Variants in GSK3B observed in about 807,000 individuals in gnomAD.
GSK3B encodes the protein glycogen synthase kinase 3 beta.
A neutral mutation model predicts 56.4 loss-of-function variants in GSK3B; 15 were observed. That is an observed-to-expected ratio of 0.27 (90% CI 0.18 to 0.41). The LOEUF (loss-of-function observed/expected upper bound fraction) is 0.41, where lower values mean the gene tolerates loss of function less well. Ranked by LOEUF, GSK3B falls within the 10% of genes least tolerant of loss-of-function variation. The pLI, the probability that GSK3B is intolerant of heterozygous loss-of-function variation, is 1.00. For synonymous variants in GSK3B, 181 were observed against 188.9 expected, an observed-to-expected ratio of 0.96 and a Z score of 0.34; for missense variants, 300 against 513.4, an observed-to-expected ratio of 0.58 and a Z score of 4.02.
At chr3:120,078,681 T>G (rs1371159277) in intron 1 of GSK3B, among the ~76,000 whole-genome samples, 1 of 151,792 alleles carries the variant, frequency 6.6e-6, no homozygotes, top group African/African-American at 2.4e-5. Context: ...GCCTCCCGTG[T>G]AGCTGGGATT....
intron 1 of GSK3B, chr3:120,029,325 G>C (rs1364070894): frequency 4.0e-6 from 3 of 742,558 alleles, no homozygotes; most frequent in East Asian, 2.5e-5. Flanking sequence ...CAGATATTTC[G>C]CATCTAATCC....
intron 1 of GSK3B, among the ~76,000 whole-genome samples, chr3:120,090,930 C>G (rs1007368812): frequency 6.6e-6 from 1 of 152,122 alleles, no homozygotes; most frequent in African/African-American, 2.4e-5. Flanking sequence ...ATTATTGTCT[C>G]TCATGCAAAA....
intron 3 of GSK3B, among the ~76,000 whole-genome samples, chr3:119,937,826 GT>G (rs1287843428): frequency 6.6e-6 from 1 of 151,590 alleles, no homozygotes; most frequent in East Asian, 1.9e-4. Context: ...AAAACTAAAA[GT>G]TTTTTTTCTT....
In GSK3B at chr3:119,826,538, G is replaced by A. The variant is rs541401765; in HGVS notation, c.*250C>T. ...GAGAGATTGTATGTTCTAGTGCTCC[G>A]CTTTCCCCCTCCCCACAACCCCTCC... On this transcript the variant is annotated 3_prime_UTR_variant, in exon 11 of 11. Coordinates refer to ENST00000264235, the MANE Select transcript of GSK3B (RefSeq NM_001146156.2). The A allele has an allele frequency of 1.3e-4, 78 of 599,588 alleles. No individual in the cohort carries two copies. Among genetic ancestry groups the A allele is most frequent in the African/African-American group, 8.1e-4 (44 of 54,548 alleles). 37.1% of individuals were successfully genotyped at this position (599,588 alleles called of 1,614,324 possible). A position where few individuals can be genotyped will look rare whatever the true frequency, so the allele number is the denominator to read the frequency against.
intron 2 of GSK3B, among the ~76,000 whole-genome samples, chr3:119,988,102 G>A (rs1195553483): frequency 1.3e-5 from 2 of 152,048 alleles, no homozygotes; most frequent in African/African-American, 2.4e-5. Flanking sequence ...CTTAAATGCA[G>A]GTTTCTGATA....
intron 3 of GSK3B, among the ~76,000 whole-genome samples, chr3:119,938,128 G>GA (rs1026429538): frequency 2.6e-4 from 39 of 151,722 alleles, no homozygotes; most frequent in Admixed American, 2.6e-4. Context: ...TAGTAATAAA[G>GA]AAAAAAACCT....
At chr3:119,841,631 G>T (rs2055773362) in intron 10 of GSK3B, among the ~76,000 whole-genome samples, 1 of 152,108 alleles carries the variant, frequency 6.6e-6, no homozygotes, top group Admixed American at 6.5e-5. Context: ...AAATGGAGTG[G>T]CAATGCTGTC....
At chr3:120,028,852 T>A (rs2057951901) in intron 1 of GSK3B, 2 of 440,464 alleles carry the variant, frequency 4.5e-6, no homozygotes, top group Non-Finnish European at 8.5e-6. Flanking sequence ...CCGCCACGGC[T>A]GCTCAGACGC....
In GSK3B at chr3:119,877,759, G is replaced by A. The variant is rs559094574; in HGVS notation, c.814-1251C>T. On this transcript the variant is annotated intron_variant, in intron 7 of 10. Transcript: ENST00000264235. The stretch of plus-strand genomic sequence containing the variant: ...TTACAGTACACAACAAAAATGTATT[G>A]AGCACTTCATTGTCTCTAGAGCTAT... Among the ~76,000 whole-genome samples, 6 of 152,206 alleles carry A rather than the reference G, an allele frequency of 3.9e-5. No homozygotes were observed. In the South Asian group the frequency reaches 1.2e-3, roughly 32 times the overall value.
chr3:119,894,399 T>A (rs1053929859), intron 7 of GSK3B, among the ~76,000 whole-genome samples: 1 of 152,110 alleles, frequency 6.6e-6, no homozygotes, highest in Non-Finnish European at 1.5e-5. Context: ...GGTTCCAGTT[T>A]CCCCATATCC....
chr3:120,036,475 T>G (rs1238766668), intron 1 of GSK3B, among the ~76,000 whole-genome samples: 1 of 152,128 alleles, frequency 6.6e-6, no homozygotes, highest in Non-Finnish European at 1.5e-5. Context: ...AATTACTAAA[T>G]GACTCAGAGA....
At chr3:119,922,813 C>T (rs1164467089) in intron 4 of GSK3B, among the ~76,000 whole-genome samples, 1 of 152,118 alleles carries the variant, frequency 6.6e-6, no homozygotes, top group Admixed American at 6.5e-5. Flanking sequence ...CTAACCACAA[C>T]TTTAATACAA....
chr3:119,856,034 T>C (rs183263150), intron 9 of GSK3B, among the ~76,000 whole-genome samples: 23 of 152,370 alleles, frequency 1.5e-4, no homozygotes, highest in African/African-American at 4.6e-4. Flanking sequence ...TATGTTTATT[T>C]ATATCATGAT....
intron 8 of GSK3B, among the ~76,000 whole-genome samples, chr3:119,865,435 GATATATATATATAT>G (rs1159737610): frequency 3.5e-5 from 1 of 28,638 alleles, no homozygotes; most frequent in Non-Finnish European, 7.0e-5. Flanking sequence ...GCTTATTTCC[GATATATATATATAT>G]ATATATATAT....
chr3:119,893,785 A>T (rs2108067909), intron 7 of GSK3B, among the ~76,000 whole-genome samples: 1 of 152,152 alleles, frequency 6.6e-6, no homozygotes, highest in African/African-American at 2.4e-5. Flanking sequence ...TCCTTTGCAA[A>T]ACTATAGTCA....
chr3:119,996,035 G>A (rs915820591), intron 2 of GSK3B, among the ~76,000 whole-genome samples: 1 of 152,174 alleles, frequency 6.6e-6, no homozygotes, highest in African/African-American at 2.4e-5. Context: ...ACCACTCCTG[G>A]CCTAAGCCTG....
intron 1 of GSK3B, among the ~76,000 whole-genome samples, chr3:120,049,054 C>A (rs1292516211): frequency 6.6e-6 from 1 of 152,184 alleles, no homozygotes. Context: ...GCTAGACAGT[C>A]TCAATTTGAT....
At chr3:119,963,649 GAAAA>G (rs2057293845) in intron 2 of GSK3B, among the ~76,000 whole-genome samples, 3 of 127,218 alleles carry the variant, frequency 2.4e-5, no homozygotes, top group Non-Finnish European at 3.4e-5. Flanking sequence ...AAAAAAGAAA[GAAAA>G]AAAGAAAAAA....
intron 1 of GSK3B, among the ~76,000 whole-genome samples, chr3:120,009,323 C>G (rs80087735): frequency 0.11 from 15,979 of 152,090 alleles, 954 homozygotes; most frequent in African/African-American, 0.17. Context: ...ACCCAGCCAT[C>G]CCATTACTCA....
Sources: allele counts gnomAD v4.1 joint callset (sites outside exome capture counted in the v4.1 genomes callset), GRCh38; gene constraint gnomAD v4.1.1; transcripts MANE v1.5; gene names NCBI Gene and HGNC (gene_info 2026-07-23, HGNC 2026-07-21).